ABCA13: variants seen among roughly 807,000 people sequenced by gnomAD.
ABCA13 encodes ATP binding cassette subfamily A member 13.
In ABCA13, 476 loss-of-function variants were observed where a neutral mutation model predicts 478.7. The observed-to-expected ratio is 0.99, with a 90% confidence interval of 0.92 to 1.07. ABCA13 has a LOEUF of 1.07. ABCA13 is among the 50% of genes least tolerant of loss of function. ABCA13 has a pLI of 0.00. For missense variants in ABCA13, 6,060 were observed against 5,910.6 expected (o/e 1.03, Z -0.83); for synonymous variants, 2,252 against 2,158.9 (o/e 1.04, Z -1.20).
intron 38 of ABCA13, among the ~76,000 whole-genome samples, chr7:48,399,641 T>A (rs1441372466): frequency 6.6e-6 from 1 of 152,114 alleles, no homozygotes; most frequent in Non-Finnish European, 1.5e-5. Flanking sequence ...CTACAACAAA[T>A]ACTAATAAAA....
At chr7:48,257,121 G>C (rs1421486562) in intron 15 of ABCA13, among the ~76,000 whole-genome samples, 1 of 151,752 alleles carries the variant, frequency 6.6e-6, no homozygotes, top group Admixed American at 6.6e-5. Flanking sequence ...GATATTGTTG[G>C]TTTGTACATT....
intron 55 of ABCA13, among the ~76,000 whole-genome samples, chr7:48,569,943 G>A (rs1787445923): frequency 6.6e-6 from 1 of 152,130 alleles, no homozygotes. Context: ...TGGATGGAGA[G>A]TTCTAAGTCT....
At chr7:48,567,068 C>T (rs142924594) in intron 55 of ABCA13, among the ~76,000 whole-genome samples, 11 of 152,194 alleles carry the variant, frequency 7.2e-5, no homozygotes, top group Admixed American at 2.0e-4. Flanking sequence ...TTTAATTGTA[C>T]GGCACACAGA....
intron 1 of ABCA13, among the ~76,000 whole-genome samples, chr7:48,191,074 T>TA (rs1797044879): frequency 1.2e-5 from 1 of 84,766 alleles, no homozygotes; most frequent in East Asian, 7.3e-4. Flanking sequence ...ATGAGGTATA[T>TA]TTTTTATTTT....
chr7:48,207,680 T>C lies in ABCA13; in HGVS notation c.287+9320T>C, dbSNP rs569496115. Among the ~76,000 whole-genome samples, 3 of 152,284 alleles carry C rather than the reference T, an allele frequency of 2.0e-5. No individual in the cohort carries two copies. In the East Asian group the frequency reaches 5.8e-4, roughly 29 times the overall value. ...TTTGTATTGAGTTGTTTGAGCTTGT[T>C]ATATATTCTGGTTATTAATCCCTTG... On this transcript the variant is annotated intron_variant, in intron 3 of 61. Coordinates refer to ENST00000435803, the MANE Select transcript of ABCA13 (RefSeq NM_152701.5).
At chr7:48,218,385 TAAA>T in intron 3 of ABCA13, among the ~76,000 whole-genome samples, 1 of 152,300 alleles carries the variant, frequency 6.6e-6, no homozygotes, top group Admixed American at 6.5e-5. Flanking sequence ...AGGCCACACT[TAAA>T]AGGTAAGATT....
chr7:48,328,628 C>T (rs558807956), intron 27 of ABCA13, among the ~76,000 whole-genome samples: 157 of 151,940 alleles, frequency 1.0e-3, no homozygotes, highest in African/African-American at 3.5e-3. Context: ...TTCCATCATT[C>T]GTTTTCCTGT....
chr7:48,563,819 TG>T (rs1244654032), intron 55 of ABCA13, among the ~76,000 whole-genome samples: 12 of 151,582 alleles, frequency 7.9e-5, no homozygotes, highest in South Asian at 4.2e-4. Context: ...TGTGTGTGTG[TG>T]TGTGTGTGTG....
intron 6 of ABCA13, among the ~76,000 whole-genome samples, chr7:48,228,802 T>C (rs1788629062): frequency 6.6e-6 from 1 of 152,260 alleles, no homozygotes; most frequent in Non-Finnish European, 1.5e-5. Flanking sequence ...TTGAAATGCC[T>C]CCCTTTGTAT....
At chr7:48,207,026 A>C (rs1230194132) in intron 3 of ABCA13, among the ~76,000 whole-genome samples, 1 of 152,056 alleles carries the variant, frequency 6.6e-6, no homozygotes, top group Non-Finnish European at 1.5e-5. Flanking sequence ...TATGAGTTTA[A>C]TTATTTTAAG....
At chr7:48,534,220 CTTCA>C (rs1022032797) in intron 55 of ABCA13, among the ~76,000 whole-genome samples, 2 of 152,082 alleles carry the variant, frequency 1.3e-5, no homozygotes, top group African/African-American at 4.8e-5. Context: ...TGTATCTTTC[CTTCA>C]TTCATGAAGC....
chr7:48,516,617 T>C, intron 51 of ABCA13, 108 bp from the exon 52 acceptor site: 17 of 1,085,296 alleles, frequency 1.6e-5, no homozygotes, highest in Non-Finnish European at 2.3e-5. Context: ...TTCAGTAATA[T>C]CTGCATTTTC....
chr7:48,441,143 G>A (rs1247911876), intron 42 of ABCA13, among the ~76,000 whole-genome samples: 1 of 152,098 alleles, frequency 6.6e-6, no homozygotes. Context: ...CTCCACATGA[G>A]GCCTCAACCT....
intron 23 of ABCA13, among the ~76,000 whole-genome samples, chr7:48,306,743 A>G (rs1800957710): frequency 6.6e-6 from 1 of 152,254 alleles, no homozygotes; most frequent in African/African-American, 2.4e-5. Flanking sequence ...ACACTAGCAT[A>G]CTAGAGTATC....
intron 46 of ABCA13, 29 bp downstream of exon 46, chr7:48,481,183 A>T (rs4472462): frequency 0.41 from 603,062 of 1,484,214 alleles, 124,257 homozygotes; most frequent in East Asian, 0.57. Context: ...TTGGGTCTTT[A>T]CTTGTTTGGA....
intron 55 of ABCA13, among the ~76,000 whole-genome samples, chr7:48,529,847 GA>G (rs770509450): frequency 6.6e-5 from 10 of 152,060 alleles, no homozygotes; most frequent in Non-Finnish European, 1.5e-4. Flanking sequence ...TATTAGAAGA[GA>G]ATGCTCTTAT....
Position 48,276,142 on chromosome 7 carries a change from C to T in ABCA13, c.6476C>T (p.Ala2159Val), listed in dbSNP as rs956486939. 1 of 1,596,204 alleles carries T rather than the reference C, an allele frequency of 6.3e-7. No individual in the cohort carries two copies. The highest frequency in any genetic ancestry group is 2.2e-5 in the East Asian group (1 of 44,512). The stretch of plus-strand genomic sequence containing the variant: ...AATGAGAGTTCAACTGAAGATATAG[C>T]TTTGTTAGCCAAAGCTATTGCTACT... ...VTNESSTEDI[A>V]LLAKAIATFW... Residue 2159 changes from alanine (A) to valine (V), a missense_variant, in exon 17 of 62, where the codon GCT becomes GTT. By Grantham distance (64) the Ala-to-Val change is moderately conservative (BLOSUM62 0). Around this residue, in one of 3 missense-constraint regions of ABCA13, gnomAD observed 4,423 missense variants for 4,309.1 expected, o/e 1.03. Transcript: ENST00000435803.
chr7:48,374,799 C>T (rs1165263452), intron 34 of ABCA13, among the ~76,000 whole-genome samples: 1 of 152,100 alleles, frequency 6.6e-6, no homozygotes, highest in Non-Finnish European at 1.5e-5. Context: ...CAGTCCGTGG[C>T]CTGTTGGGAA....
At chr7:48,402,332 G>A (rs574648826) in intron 38 of ABCA13, among the ~76,000 whole-genome samples, 1 of 152,282 alleles carries the variant, frequency 6.6e-6, no homozygotes, top group African/African-American at 2.4e-5. Flanking sequence ...TGGTTAATGT[G>A]CTAAGTTTAA....
Sources: gnomAD v4.1 joint callset for allele counts (sites outside exome capture counted in the v4.1 genomes callset) on GRCh38, gnomAD v4.1.1 for gene constraint, gnomAD v4.1.1 regional missense constraint, MANE v1.5 for transcripts, NCBI Gene and HGNC (gene_info 2026-07-23, HGNC 2026-07-21) for gene names.